The following SDK1 variants were observed in gnomAD, a reference collection of about 807,000 sequenced individuals.
SDK1 encodes the protein protein sidekick-1.
A neutral mutation model predicts 245.5 loss-of-function variants in SDK1; 157 were observed. The ratio of observed to expected loss-of-function variants is 0.64; its 90% CI spans 0.56 to 0.73. The LOEUF (loss-of-function observed/expected upper bound fraction) is 0.73, where lower values mean the gene tolerates loss of function less well. SDK1 is among the 30% of genes least tolerant of loss of function. The pLI, the probability that SDK1 is intolerant of heterozygous loss-of-function variation, is 0.00. For missense variants in SDK1, 3,583 were observed against 3,002.3 expected (o/e 1.19, Z -4.52); for synonymous variants, 1,647 against 1,278.5 (o/e 1.29, Z -6.15).
rs550959180 is a variant in SDK1, at chr7:4,074,642, C to A, written c.3011-2356C>A. On this transcript the variant is annotated intron_variant, in intron 20 of 44. Transcript: ENST00000404826. The stretch of plus-strand genomic sequence containing the variant: ...TTGGGAGGCCACGGTGGGAGGATCG[C>A]TTGATACCAGGAGTTTGAGACCAGC... 2.6e-4 allele frequency among the ~76,000 whole-genome samples: 40 copies of A among 151,992 alleles called. 1 individual carries two copies. The South Asian group carries it at 7.7e-3, about 29-fold the overall frequency.
chr7:3,540,568 G>A (rs1331285975), intron 1 of SDK1, among the ~76,000 whole-genome samples: 1 of 152,206 alleles, frequency 6.6e-6, no homozygotes, highest in Non-Finnish European at 1.5e-5. Flanking sequence ...GCTGGTCAAG[G>A]TTGATGGACA....
intron 39 of SDK1, among the ~76,000 whole-genome samples, chr7:4,221,027 G>A (rs373744146): frequency 9.2e-5 from 14 of 152,000 alleles, no homozygotes; most frequent in African/African-American, 3.1e-4. Flanking sequence ...ACCTATCTCA[G>A]CCTCCCAAAG....
At chr7:3,819,444 A>G (rs1359142266) in intron 4 of SDK1, among the ~76,000 whole-genome samples, 1 of 152,090 alleles carries the variant, frequency 6.6e-6, no homozygotes, top group Non-Finnish European at 1.5e-5. Context: ...AACAATAGGC[A>G]TATTTGAAAT....
At chr7:3,599,143 GC>G (rs908344920) in intron 1 of SDK1, among the ~76,000 whole-genome samples, 3 of 130,430 alleles carry the variant, frequency 2.3e-5, no homozygotes, top group Non-Finnish European at 4.7e-5. Flanking sequence ...TGGCGTTCTC[GC>G]TGTTTTTTAC....
Position 3,597,656 on chromosome 7 carries a change from A to G in SDK1, c.299-21424A>G, listed in dbSNP as rs540936434. Among the ~76,000 whole-genome samples the G allele has an allele frequency of 2.6e-5, 4 of 152,152 alleles. No individual in the cohort carries two copies. The South Asian group carries it at 8.3e-4, about 32-fold the overall frequency. ...TGATTAGGTCGCATTTAGCTCAGTG[A>G]CTTCATTTTGGTTTGGTCTGGTCTG... is the stretch of plus-strand genomic sequence containing the variant. On this transcript the variant is annotated intron_variant, in intron 1 of 44. Coordinates refer to ENST00000404826, the MANE Select transcript of SDK1 (RefSeq NM_152744.4).
chr7:4,084,063 T>G (rs1012490539), intron 22 of SDK1, among the ~76,000 whole-genome samples: 13 of 152,198 alleles, frequency 8.5e-5, no homozygotes, highest in African/African-American at 3.1e-4. Flanking sequence ...AAGATGATAA[T>G]TTTATATTTC....
At chr7:4,241,986 A>G (rs1162180075) in intron 43 of SDK1, 73 bp downstream of exon 43, 1 of 1,550,810 alleles carries the variant, frequency 6.4e-7, no homozygotes, top group Non-Finnish European at 8.8e-7. Flanking sequence ...GCCCACGCCC[A>G]CTGGCACCTC....
At chr7:3,432,007 G>A (rs1030313932) in intron 1 of SDK1, among the ~76,000 whole-genome samples, 3 of 151,412 alleles carry the variant, frequency 2.0e-5, no homozygotes, top group African/African-American at 4.9e-5. Context: ...AAATATACCC[G>A]TTGAATAGAG....
intron 1 of SDK1, among the ~76,000 whole-genome samples, chr7:3,445,568 T>A (rs982261957): frequency 2.0e-5 from 3 of 152,200 alleles, no homozygotes. Flanking sequence ...TTTGTGCTCC[T>A]CACCTGGTTG....
At chr7:3,339,503 G>A (rs923122615) in intron 1 of SDK1, among the ~76,000 whole-genome samples, 3 of 151,902 alleles carry the variant, frequency 2.0e-5, no homozygotes, top group African/African-American at 7.3e-5. Flanking sequence ...AGTGCCCATG[G>A]GACATCATAG....
Position 4,011,019 on chromosome 7 carries a change from A to T in SDK1, c.2185A>T (p.Thr729Ser). ...SNVGPEMTGVTVSGLTPARTY... is the reference protein window; with the variant it reads ...SNVGPEMTGVSVSGLTPARTY... ...CGTTGGCCCTGAGATGACAGGCGTC[A>T]CCGTGAGTGGCCTGACTCCGGCTCG... The change falls in exon 15 of 45, where the codon ACC becomes TCC. Residue 729 changes from threonine to serine, a missense_variant. Physicochemically the swap from Thr to Ser is moderately conservative, Grantham distance 58. Coordinates refer to ENST00000404826, the MANE Select transcript of SDK1 (RefSeq NM_152744.4). 1 of 1,614,206 alleles carries T rather than the reference A, an allele frequency of 6.2e-7. No homozygotes were observed. Among genetic ancestry groups the T allele is most frequent in the Non-Finnish European group, 8.5e-7 (1 of 1,180,028 alleles).
intron 17 of SDK1, among the ~76,000 whole-genome samples, chr7:4,031,655 T>C (rs1294131169): frequency 6.6e-6 from 1 of 152,120 alleles, no homozygotes; most frequent in African/African-American, 2.4e-5. Flanking sequence ...TATCTACATA[T>C]AAATATATGT....
chr7:3,686,281 G>T (rs1465863886), intron 4 of SDK1, among the ~76,000 whole-genome samples: 2 of 152,078 alleles, frequency 1.3e-5, no homozygotes, highest in Non-Finnish European at 2.9e-5. Context: ...TCACCATGTT[G>T]GTCAGGCTGG....
intron 5 of SDK1, among the ~76,000 whole-genome samples, chr7:3,877,169 G>T (rs949588389): frequency 6.6e-6 from 1 of 152,200 alleles, no homozygotes; most frequent in African/African-American, 2.4e-5. Flanking sequence ...CAACTCATCA[G>T]AGTGGCCACT....
chr7:4,174,162 G>A (rs1782026169), intron 32 of SDK1, 60 bp from the exon 33 acceptor site: 4 of 1,596,342 alleles, frequency 2.5e-6, no homozygotes, highest in Non-Finnish European at 3.4e-6. Context: ...GGTGAGCCCT[G>A]CTGCAGGCCA....
At chr7:4,233,584 A>G (rs1416356801) in intron 41 of SDK1, among the ~76,000 whole-genome samples, 165 bp downstream of exon 41, 2 of 152,018 alleles carry the variant, frequency 1.3e-5, no homozygotes, top group Non-Finnish European at 2.9e-5. Flanking sequence ...GGAGGGAGAA[A>G]TGGGGTCGAG....
chr7:3,373,636 C>A (rs1393369081), intron 1 of SDK1, among the ~76,000 whole-genome samples: 1 of 148,458 alleles, frequency 6.7e-6, no homozygotes, highest in Admixed American at 6.7e-5. Flanking sequence ...ATGTTCTGTT[C>A]TTTTTTTTTT....
intron 26 of SDK1, 92 bp from the exon 27 acceptor site, chr7:4,129,816 G>A: frequency 6.4e-7 from 1 of 1,569,710 alleles, no homozygotes; most frequent in Non-Finnish European, 8.6e-7. Flanking sequence ...AGTTGGCTGG[G>A]CCTTGATTCA....
intron 22 of SDK1, among the ~76,000 whole-genome samples, chr7:4,103,295 C>G (rs1253307111): frequency 6.7e-6 from 1 of 150,206 alleles, no homozygotes; most frequent in Non-Finnish European, 1.5e-5. Context: ...CCACCGCGCC[C>G]GGCCCCCCAC....
Sources: gnomAD v4.1 joint callset for allele counts (sites outside exome capture counted in the v4.1 genomes callset) on GRCh38, gnomAD v4.1.1 for gene constraint, MANE v1.5 for transcripts, NCBI Gene and HGNC (gene_info 2026-07-23, HGNC 2026-07-21) for gene names.